Variants in JAKMIP3 observed in about 807,000 individuals in gnomAD.
JAKMIP3 encodes the protein Janus kinase and microtubule interacting protein 3, also known as janus kinase and microtubule-interacting protein 3.
JAKMIP3 carries 58 observed loss-of-function variants against 118.5 expected under a neutral mutation model. That is an observed-to-expected ratio of 0.49 (90% CI 0.40 to 0.61). JAKMIP3 has a LOEUF of 0.61. Ranked by LOEUF, JAKMIP3 falls within the 20% of genes least tolerant of loss-of-function variation. JAKMIP3 has a pLI of 0.00. For synonymous variants in JAKMIP3, 486 were observed against 451.2 expected (o/e 1.08, Z -0.98); for missense variants, 950 against 1,109.0 (o/e 0.86, Z 2.04).
intron 1 of JAKMIP3, among the ~76,000 whole-genome samples, chr10:132,037,896 C>T (rs1008620720): frequency 6.6e-6 from 1 of 152,252 alleles, no homozygotes; most frequent in African/African-American, 2.4e-5. Context: ...TAGAGAACAG[C>T]AGTACCAATT....
At chr10:132,148,166 A>C in intron 14 of JAKMIP3, 116 bp downstream of exon 14, 2 of 638,756 alleles carry the variant, frequency 3.1e-6, no homozygotes, top group Non-Finnish European at 2.7e-6. Context: ...ATGAACCCAA[A>C]AGGCTGCGTC....
chr10:132,067,779 G>A (rs75342951), intron 1 of JAKMIP3, among the ~76,000 whole-genome samples: 45,548 of 128,600 alleles, frequency 0.35, 8,018 homozygotes, highest in Admixed American at 0.51. Context: ...CTGGGCTTCC[G>A]TGTGGACTGT....
chr10:132,172,932 G>T (rs944618156), intron 23 of JAKMIP3, among the ~76,000 whole-genome samples: 2 of 147,444 alleles, frequency 1.4e-5, no homozygotes, highest in Admixed American at 6.7e-5. Flanking sequence ...TGTGCTTCCC[G>T]CCTTCCCTCT....
intron 1 of JAKMIP3, among the ~76,000 whole-genome samples, chr10:132,045,874 C>T (rs1296728372): frequency 6.7e-6 from 1 of 149,564 alleles, no homozygotes; most frequent in East Asian, 2.0e-4. Flanking sequence ...GTAGAGGTTG[C>T]AGTAAGCTGA....
At chr10:132,045,971 T>C (rs2037901146) in intron 1 of JAKMIP3, among the ~76,000 whole-genome samples, 1 of 151,116 alleles carries the variant, frequency 6.6e-6, no homozygotes, top group Non-Finnish European at 1.5e-5. Context: ...TTATATTCAG[T>C]TTAAGGTAAA....
At chr10:132,126,014 C>T (rs2135529271) in intron 3 of JAKMIP3, among the ~76,000 whole-genome samples, 1 of 152,302 alleles carries the variant, frequency 6.6e-6, no homozygotes, top group East Asian at 1.9e-4. Flanking sequence ...AGTCCTCCCG[C>T]CTCACGTCCC....
At chr10:132,081,798 C>T (rs1479314321) in intron 1 of JAKMIP3, among the ~76,000 whole-genome samples, 5 of 151,954 alleles carry the variant, frequency 3.3e-5, no homozygotes, top group African/African-American at 1.2e-4. Flanking sequence ...TCCTGAGGCA[C>T]GGGAGCAGCA....
chr10:132,135,714 C>A (rs1272978029), intron 5 of JAKMIP3, among the ~76,000 whole-genome samples: 1 of 152,060 alleles, frequency 6.6e-6, no homozygotes, highest in African/African-American at 2.4e-5. Flanking sequence ...GCGGGTTCAC[C>A]TGGGCACTGG....
At chr10:132,151,897 C>T (rs545402021) in intron 16 of JAKMIP3, among the ~76,000 whole-genome samples, 1 of 152,378 alleles carries the variant, frequency 6.6e-6, no homozygotes, top group South Asian at 2.1e-4. Context: ...GAGCTCTTGA[C>T]AGTGGGCTGA....
At chr10:132,155,323 C>G (rs1476673033) in intron 19 of JAKMIP3, among the ~76,000 whole-genome samples, 1 of 152,160 alleles carries the variant, frequency 6.6e-6, no homozygotes, top group African/African-American at 2.4e-5. Flanking sequence ...TCTGGCCAGC[C>G]AGGCACAGAA....
rs547058430 is a variant in JAKMIP3, at chr10:132,133,171, G to A, written c.634-141G>A. ...GTGTCGTGCCTCAGCCCAGGGCCAC[G>A]GGCTCCTGCTCTTAGTCCAGGATGC... is the stretch of plus-strand genomic sequence containing the variant. On this transcript the variant is annotated intron_variant, in intron 3 of 23. Coordinates refer to ENST00000684848, the MANE Select transcript of JAKMIP3 (RefSeq NM_001323087.2). The A allele has an allele frequency of 1.8e-4, 129 of 715,708 alleles. 2 individuals carry two copies. The highest frequency in any genetic ancestry group is 1.1e-3 in the South Asian group (59 of 54,670). The allele number at this position is 715,708 out of a possible 1,614,324, so 44.3% of individuals were successfully genotyped here. A position where few individuals can be genotyped will look rare whatever the true frequency, so the allele number is the denominator to read the frequency against.
In JAKMIP3 at chr10:132,180,608, T is replaced by TGTGC. The variant is rs2060859533; in HGVS notation, c.*1104-1746_*1104-1745insCGTG. Among the ~76,000 whole-genome samples, 6 of 28,420 alleles carry TGTGC rather than the reference T, an allele frequency of 2.1e-4. 1 individual carries two copies. The highest frequency in any genetic ancestry group is 1.1e-3 in the African/African-American group (6 of 5,320). The allele number at this position is 28,420 out of a possible 152,430, so 18.6% of individuals were successfully genotyped here. A position where few individuals can be genotyped will look rare whatever the true frequency, so the allele number is the denominator to read the frequency against. On this transcript the variant is annotated intron_variant, in intron 23 of 23. Transcript: ENST00000684848. ...GCGCGTGTGTGTGTGCGTGCGCGTG[T>TGTGC]GTGTGTGCGTGTGTGTGCGTGTGTG...
At chr10:132,062,340 T>C (rs2038422592), upstream of JAKMIP3, among the ~76,000 whole-genome samples, 1 of 152,210 alleles carries the variant, frequency 6.6e-6, no homozygotes, top group African/African-American at 2.4e-5. Flanking sequence ...CCCTCAGCCC[T>C]GCCACCTCCC....
At chr10:132,129,143 A>G (rs1300110239) in intron 3 of JAKMIP3, among the ~76,000 whole-genome samples, 2 of 152,118 alleles carry the variant, frequency 1.3e-5, no homozygotes, top group Non-Finnish European at 2.9e-5. Flanking sequence ...CCAGCAGACT[A>G]CCTGGATCCT....
At chr10:132,109,780 C>A (rs1481063818) in intron 2 of JAKMIP3, among the ~76,000 whole-genome samples, 5 of 152,214 alleles carry the variant, frequency 3.3e-5, no homozygotes, top group Non-Finnish European at 7.3e-5. Flanking sequence ...GGGAAGCCTT[C>A]GGGGCCCCTG....
In JAKMIP3 at chr10:132,180,760, CGTGTGTGTGCGTGTGTGT is replaced by C. The variant is rs1277230926; in HGVS notation, c.*1104-1591_*1104-1574del. On this transcript the variant is annotated intron_variant, in intron 23 of 23. Transcript: ENST00000684848. ...GTGCGTGCGTGCGCGCGCGTGTGTG[CGTGTGTGTGCGTGTGTGT>C]GTGTGCGCGTATGCATGTGCTGTGA... Among the ~76,000 whole-genome samples, 91 of 14,724 alleles carry C rather than the reference CGTGTGTGTGCGTGTGTGT, an allele frequency of 6.2e-3. 19 individuals carry two copies. Among genetic ancestry groups the C allele is most frequent in the Admixed American group, 9.2e-3 (12 of 1,302 alleles). The allele number at this position is 14,724 out of a possible 152,430, so 9.7% of individuals were successfully genotyped here.
intron 1 of JAKMIP3, among the ~76,000 whole-genome samples, chr10:132,103,420 T>TG (rs1287686880): frequency 9.3e-3 from 490 of 52,618 alleles, no homozygotes; most frequent in East Asian, 0.02. Context: ...GAGGAGCAGC[T>TG]GGAGGGGAGG....
At chr10:132,153,614 C>T (rs1315678526) in intron 17 of JAKMIP3, 145 bp from the exon 18 acceptor site, 26 of 779,192 alleles carry the variant, frequency 3.3e-5, no homozygotes, top group Non-Finnish European at 5.0e-5. Flanking sequence ...GCAGCCTCAA[C>T]TCCCTGGAGA....
intron 16 of JAKMIP3, among the ~76,000 whole-genome samples, chr10:132,150,306 C>T (rs541255877): frequency 7.9e-5 from 12 of 152,256 alleles, no homozygotes; most frequent in South Asian, 2.1e-4. Flanking sequence ...GATCTCTCAG[C>T]CCTTCCATAC....
Sources: allele counts gnomAD v4.1 joint callset (sites outside exome capture counted in the v4.1 genomes callset), GRCh38; gene constraint gnomAD v4.1.1; transcripts MANE v1.5; gene names NCBI Gene and HGNC (gene_info 2026-07-23, HGNC 2026-07-21).